ANO5: variants seen among roughly 807,000 people sequenced by gnomAD.
ANO5 encodes anoctamin-5.
In ANO5, 109 loss-of-function variants were observed where a neutral mutation model predicts 121.0. The observed-to-expected ratio is 0.90, with a 90% CI of 0.77 to 1.06. The LOEUF is 1.06. Ranked by LOEUF, ANO5 falls within the 50% of genes least tolerant of loss-of-function variation. The probability of loss-of-function intolerance (pLI) is 0.00; values close to 1 mark genes in which losing one functional copy is unlikely to be tolerated. For synonymous variants in ANO5, 406 were observed against 359.9 expected, an observed-to-expected ratio of 1.13 and a Z score of -1.45; for missense variants, 1,064 against 1,078.5, an observed-to-expected ratio of 0.99 and a Z score of 0.19.
intron 18 of ANO5, among the ~76,000 whole-genome samples, chr11:22,272,302 G>GCGCACACACA (rs148086026): frequency 1.5e-5 from 2 of 134,488 alleles, no homozygotes; most frequent in Non-Finnish European, 3.2e-5. Context: ...TCCTTTTCCG[G>GCGCACACACA]CACACACACA....
At chr11:22,270,121 G>T (rs1854553822) in intron 17 of ANO5, among the ~76,000 whole-genome samples, 191 bp from the exon 18 acceptor site, 1 of 152,096 alleles carries the variant, frequency 6.6e-6, no homozygotes, top group African/African-American at 2.4e-5. Context: ...AAGAACTCTT[G>T]ACTTCTGCAT....
chr11:22,262,924 C>G, intron 16 of ANO5, 22 bp from the exon 17 acceptor site: 1 of 1,553,544 alleles, frequency 6.4e-7, no homozygotes, highest in Non-Finnish European at 8.9e-7. Context: ...ATTCTGTTTT[C>G]TCCCCTCTTG....
rs1197407255 is a variant in ANO5 at position 22,231,986 on chromosome 11, A to G, written c.649-4177A>G. On this transcript the variant is annotated intron_variant, in intron 7 of 21. Coordinates refer to ENST00000324559, the MANE Select transcript of ANO5 (RefSeq NM_213599.3). ...GTGACCACCACCAACACCTAGAGAGAAAATATTCTTAGCCATCCAGAAGCT... is the reference window on the plus strand; with the variant it reads ...GTGACCACCACCAACACCTAGAGAGGAAATATTCTTAGCCATCCAGAAGCT... Among the ~76,000 whole-genome samples, 3 of 151,968 alleles carry G rather than the reference A, an allele frequency of 2.0e-5. 1 individual carries two copies. The highest frequency in any genetic ancestry group is 7.2e-5 in the African/African-American group (3 of 41,390).
At chr11:22,193,633 C>T (rs923054691) in intron 1 of ANO5, 101 bp downstream of exon 1, 224 of 1,438,940 alleles carry the variant, frequency 1.6e-4, no homozygotes, top group Non-Finnish European at 2.0e-4. Flanking sequence ...GGCCCTGCGG[C>T]CTGAGTCCTA....
At position 22,280,671 on chromosome 11, in the gene ANO5, A is replaced by T. The variant is rs1396128287; in HGVS notation, c.*906A>T. 6.6e-6 allele frequency: 1 copy of T among 152,016 alleles called. No homozygotes were observed. The highest frequency in any genetic ancestry group is 2.4e-5 in the African/African-American group (1 of 41,446). 9.4% of individuals were successfully genotyped at this position (152,016 alleles called of 1,614,324 possible). ...TCTGGAATGCCAATTTCACATCATG[A>T]AGCCTTTTTGTATAAGTTAGATACG... On this transcript the variant is annotated 3_prime_UTR_variant, in exon 22 of 22. Coordinates refer to ENST00000324559, the MANE Select transcript of ANO5 (RefSeq NM_213599.3).
At chr11:22,194,506 T>G (rs1007236269) in intron 1 of ANO5, among the ~76,000 whole-genome samples, 1 of 152,244 alleles carries the variant, frequency 6.6e-6, no homozygotes, top group Non-Finnish European at 1.5e-5. Context: ...AGTTGGATTT[T>G]TTTTAGTGTA....
Position 22,221,197 on chromosome 11 carries a change from C to G in ANO5, c.281C>G (p.Ala94Gly). The stretch of plus-strand genomic sequence containing the variant: ...TACGTTGATGATGTAAAGAAAGACG[C>G]AGAGTTAAAGGCGGTAAGTGCATTA... ...LSYVDDVKKD[A>G]ELKAERRKEF... The change falls in exon 5 of 22, where the codon GCA (alanine) becomes GGA (glycine). Residue 94 changes from alanine (A) to glycine (G), a missense_variant. Ala to Gly is a moderately conservative substitution (Grantham distance 60, BLOSUM62 0). Coordinates refer to ENST00000324559, the MANE Select transcript of ANO5 (RefSeq NM_213599.3). 1 of 1,608,400 alleles carries G rather than the reference C, an allele frequency of 6.2e-7. No homozygotes were observed. Among genetic ancestry groups the G allele is most frequent in the Non-Finnish European group, 8.5e-7 (1 of 1,175,686 alleles).
chr11:22,238,192 C>T (rs905162787), intron 8 of ANO5, among the ~76,000 whole-genome samples: 15 of 151,086 alleles, frequency 9.9e-5, no homozygotes, highest in African/African-American at 3.2e-4. Context: ...CTAACATGGA[C>T]GTTTGGTAAA....
intron 9 of ANO5, 82 bp downstream of exon 9, chr11:22,239,766 A>G: frequency 1.8e-6 from 2 of 1,086,458 alleles, no homozygotes; most frequent in Non-Finnish European, 2.8e-6. Flanking sequence ...TTTTTTTACT[A>G]CTATTTTCTC....
At chr11:22,244,901 G>C (rs1019278767) in intron 9 of ANO5, among the ~76,000 whole-genome samples, 15 of 152,170 alleles carry the variant, frequency 9.9e-5, no homozygotes, top group African/African-American at 2.6e-4. Flanking sequence ...TAGTTAAGAA[G>C]CATTGCTGAG....
chr11:22,202,282 C>T (rs1441207782), intron 1 of ANO5, among the ~76,000 whole-genome samples: 4 of 152,044 alleles, frequency 2.6e-5, no homozygotes, highest in Non-Finnish European at 5.9e-5. Context: ...CTGCAGAAAA[C>T]TTTGGACTTT....
intron 12 of ANO5, among the ~76,000 whole-genome samples, chr11:22,255,067 GCTAAGTT>G (rs1437581484): frequency 6.6e-6 from 1 of 151,974 alleles, no homozygotes; most frequent in Non-Finnish European, 1.5e-5. Context: ...TTAATAAAAA[GCTAAGTT>G]CAAATATTAC....
intron 1 of ANO5, among the ~76,000 whole-genome samples, chr11:22,195,682 T>C (rs1229947149): frequency 6.6e-6 from 1 of 152,160 alleles, no homozygotes; most frequent in African/African-American, 2.4e-5. Context: ...TCCACCTGAC[T>C]TGGCCCCTCA....
chr11:22,227,495 A>G lies in ANO5; in HGVS notation c.557A>G (p.Tyr186Cys), dbSNP rs766312075. ...AGTGTGAAGTATCCCCATCCTGAAT[A>G]TTTTACTGCACAATTCAGCAGACAT... ...PLSVKYPHPE[Y>C]FTAQFSRHRQ... The change falls in exon 7 of 22, where the codon TAT becomes TGT. Residue 186 changes from tyrosine (Y) to cysteine (C), a missense_variant. Physicochemically the swap from Tyr to Cys is radical, Grantham distance 194. Transcript: ENST00000324559. The G allele has an allele frequency of 3.1e-6, 5 of 1,613,534 alleles. No individual in the cohort carries two copies. In the South Asian group the frequency reaches 5.5e-5, roughly 18 times the overall value.
chr11:22,252,698 T>C (rs1590288122), intron 12 of ANO5, among the ~76,000 whole-genome samples: 3 of 152,302 alleles, frequency 2.0e-5, no homozygotes, highest in South Asian at 4.1e-4. Context: ...GTCATAAAAC[T>C]TTCCTTATGG....
At chr11:22,237,337 A>G (rs760307564) in intron 8 of ANO5, among the ~76,000 whole-genome samples, 3 of 152,114 alleles carry the variant, frequency 2.0e-5, no homozygotes, top group African/African-American at 2.4e-5. Context: ...TCTTCCTTTC[A>G]TAGGACTTAG....
intron 14 of ANO5, among the ~76,000 whole-genome samples, chr11:22,258,443 A>G: frequency 6.6e-6 from 1 of 152,210 alleles, no homozygotes; most frequent in East Asian, 1.9e-4. Context: ...TCTGGAGTAT[A>G]TCCCCAGAAA....
At chr11:22,271,555 A>G (rs889995385) in intron 18 of ANO5, among the ~76,000 whole-genome samples, 4 of 152,218 alleles carry the variant, frequency 2.6e-5, no homozygotes, top group Non-Finnish European at 5.9e-5. Context: ...TATGATTTTT[A>G]ATTGTGTAAG....
At chr11:22,216,390 T>A (rs1439101452) in intron 3 of ANO5, among the ~76,000 whole-genome samples, 1 of 151,952 alleles carries the variant, frequency 6.6e-6, no homozygotes, top group Non-Finnish European at 1.5e-5. Flanking sequence ...ATTTCAGTAA[T>A]TCTAGTGGAT....
Sources: gnomAD v4.1 joint callset for allele counts (sites outside exome capture counted in the v4.1 genomes callset) on GRCh38, gnomAD v4.1.1 for gene constraint, MANE v1.5 for transcripts, NCBI Gene and HGNC (gene_info 2026-07-23, HGNC 2026-07-21) for gene names.